Variants in EFCAB13 observed in about 807,000 individuals in gnomAD.
EFCAB13 encodes EF-hand calcium binding domain 13.
In EFCAB13, 91 loss-of-function variants were observed where a neutral mutation model predicts 110.2. That is an observed-to-expected ratio of 0.83 (90% CI 0.70 to 0.98). EFCAB13 has a LOEUF of 0.98. Ranked by LOEUF, EFCAB13 falls within the 50% of genes least tolerant of loss-of-function variation. EFCAB13 has a pLI of 0.00. For missense variants in EFCAB13, 968 were observed against 1,119.4 expected (o/e 0.86, Z 1.93); for synonymous variants, 323 against 369.9 (o/e 0.87, Z 1.45).
Position 47,393,757 on chromosome 17 carries a change from A to AAAT in EFCAB13, c.1727-267_1727-266insATA, listed in dbSNP as rs1567797031. 8.7e-4 allele frequency among the ~76,000 whole-genome samples: 117 copies of AAAT among 133,842 alleles called. No homozygotes were observed. In the Middle Eastern group the frequency reaches 0.012, roughly 14 times the overall value. The allele number at this position is 133,842 out of a possible 152,430, so 87.8% of individuals were successfully genotyped here. A position where few individuals can be genotyped will look rare whatever the true frequency, so the allele number is the denominator to read the frequency against. On this transcript the variant is annotated intron_variant, in intron 15 of 24. Coordinates refer to ENST00000331493, the MANE Select transcript of EFCAB13 (RefSeq NM_152347.5). Reference sequence around the variant, plus strand: ...ATAAATAAATAAATAAATAAATAAAAATAAAAATAAATAAAAGTTAAAAAT... The same window carrying AAAT: ...ATAAATAAATAAATAAATAAATAAAAAATATAAAAATAAATAAAAGTTAAAAAT...
chr17:47,342,424 C>T (rs1440006976), intron 6 of EFCAB13, among the ~76,000 whole-genome samples: 1 of 152,134 alleles, frequency 6.6e-6, no homozygotes, highest in Non-Finnish European at 1.5e-5. Flanking sequence ...TGTATCTCAT[C>T]TCCTTCCTTT....
At chr17:47,395,251 A>G (rs985516887) in intron 16 of EFCAB13, among the ~76,000 whole-genome samples, 1 of 152,196 alleles carries the variant, frequency 6.6e-6, no homozygotes, top group East Asian at 1.9e-4. Context: ...AGCTGAGAAG[A>G]TTGTACAGGT....
intron 9 of EFCAB13, among the ~76,000 whole-genome samples, chr17:47,360,206 C>T (rs896152274): frequency 6.6e-5 from 10 of 152,198 alleles, no homozygotes; most frequent in African/African-American, 2.4e-4. Context: ...GCCACACTGA[C>T]TTCCACAATG....
chr17:47,352,709 C>A (rs2065460185), intron 9 of EFCAB13, among the ~76,000 whole-genome samples: 1 of 152,114 alleles, frequency 6.6e-6, no homozygotes, highest in South Asian at 2.1e-4. Context: ...AGTTTTTGAT[C>A]CATGAGCATG....
At position 47,431,257 on chromosome 17, in the gene EFCAB13, C is replaced by T. The variant is rs544963801; in HGVS notation, c.2638+1296C>T. 1.3e-4 allele frequency among the ~76,000 whole-genome samples: 20 copies of T among 151,914 alleles called. No individual in the cohort carries two copies. The highest frequency in any genetic ancestry group is 6.6e-4 in the Admixed American group (10 of 15,248). On this transcript the variant is annotated intron_variant, in intron 24 of 24. Coordinates refer to ENST00000331493, the MANE Select transcript of EFCAB13 (RefSeq NM_152347.5). This position sits in a 1 kb window ranked among gnomAD's most constrained non-coding sequence, Gnocchi z 4.1. Reference sequence around the variant, plus strand: ...CCAACCCCTTTTTTTAATCTCCTTCCGCCTATATCCTAACATCTATTTTTT... The same window carrying T: ...CCAACCCCTTTTTTTAATCTCCTTCTGCCTATATCCTAACATCTATTTTTT...
chr17:47,411,370 C>T lies in EFCAB13; in HGVS notation c.2279-1403C>T, dbSNP rs897688342. Among the ~76,000 whole-genome samples, 7 of 152,310 alleles carry T rather than the reference C, an allele frequency of 4.6e-5. No homozygotes were observed. In the South Asian group the frequency reaches 1.5e-3, roughly 32 times the overall value. ...TGACAGACAAACTGACATTTCCCCC[C>T]CAAACTCAGTTCAAATGTCATTTCT... is the stretch of plus-strand genomic sequence containing the variant. On this transcript the variant is annotated intron_variant, in intron 21 of 24. Transcript: ENST00000331493.
In EFCAB13 at chr17:47,370,478, A is replaced by G; in HGVS notation, c.847A>G (p.Asn283Asp). ...TATTGGGGATATTATATTTACTTTG[A>G]ATGAGCTACAGGAACAGTATGAGGA... The part of the protein sequence containing the change: ...VDIGDIIFTL[N>D]ELQEQYEDVS... Residue 283 changes from asparagine (N) to aspartate (D), a missense_variant, in exon 11 of 25, where the codon AAT becomes GAT. Coordinates refer to ENST00000331493, the MANE Select transcript of EFCAB13 (RefSeq NM_152347.5). The G allele has an allele frequency of 6.2e-7, 1 of 1,608,326 alleles. No individual in the cohort carries two copies.
At chr17:47,399,041 G>C (rs1464349305) in intron 17 of EFCAB13, among the ~76,000 whole-genome samples, 1 of 152,098 alleles carries the variant, frequency 6.6e-6, no homozygotes, top group Non-Finnish European at 1.5e-5. Flanking sequence ...TGCTGCCTCA[G>C]CCTCCCAAGT....
intron 23 of EFCAB13, among the ~76,000 whole-genome samples, chr17:47,420,745 G>A (rs1165982654): frequency 1.3e-5 from 2 of 151,982 alleles, no homozygotes; most frequent in African/African-American, 2.4e-5. Context: ...GAGCCCCTCC[G>A]CCCGGCAGCC....
At chr17:47,386,127 A>T (rs1404174577) in intron 14 of EFCAB13, among the ~76,000 whole-genome samples, 2 of 152,216 alleles carry the variant, frequency 1.3e-5, no homozygotes, top group East Asian at 3.9e-4. Context: ...TTGAGGAGGC[A>T]GTCTGTCCCT....
At chr17:47,402,700 C>T (rs949712530) in intron 18 of EFCAB13, among the ~76,000 whole-genome samples, 1 of 152,098 alleles carries the variant, frequency 6.6e-6, no homozygotes, top group African/African-American at 2.4e-5. Flanking sequence ...TCCTTATTAT[C>T]ATTGGATGAT....
At chr17:47,415,396 A>T (rs1052199939) in intron 23 of EFCAB13, among the ~76,000 whole-genome samples, 1 of 152,176 alleles carries the variant, frequency 6.6e-6, no homozygotes, top group South Asian at 2.1e-4. Context: ...ATAATAATAA[A>T]AAAAAGACTA....
At chr17:47,336,240 C>T (rs142928925) in intron 5 of EFCAB13, among the ~76,000 whole-genome samples, 4,788 of 151,704 alleles carry the variant, frequency 0.032, 270 homozygotes, top group African/African-American at 0.11. Flanking sequence ...GATTCTTCTG[C>T]CTCAGCCTCC....
intron 9 of EFCAB13, among the ~76,000 whole-genome samples, chr17:47,348,519 T>G (rs1025901931): frequency 6.6e-6 from 1 of 152,136 alleles, no homozygotes; most frequent in Non-Finnish European, 1.5e-5. Flanking sequence ...ATATAATCTT[T>G]TGTTTTTTTC....
At chr17:47,331,466 A>T in intron 4 of EFCAB13, among the ~76,000 whole-genome samples, 1 of 152,026 alleles carries the variant, frequency 6.6e-6, no homozygotes, top group Non-Finnish European at 1.5e-5. Context: ...ATGAGCAGAA[A>T]ATAGAGAGTT....
At chr17:47,423,301 AG>A (rs779661514) in intron 23 of EFCAB13, 2 of 152,340 alleles carry the variant, frequency 1.3e-5, no homozygotes, top group Non-Finnish European at 2.9e-5. Context: ...TTAATGGTGA[AG>A]GGGCATTTTG....
chr17:47,339,209 A>G (rs1350319539), intron 5 of EFCAB13, among the ~76,000 whole-genome samples: 1 of 152,112 alleles, frequency 6.6e-6, no homozygotes, highest in Non-Finnish European at 1.5e-5. Context: ...ACTTTCTAAG[A>G]GTATGTGTCT....
At chr17:47,423,828 T>A (rs1904822964) in intron 23 of EFCAB13, among the ~76,000 whole-genome samples, 1 of 150,786 alleles carries the variant, frequency 6.6e-6, no homozygotes, top group Admixed American at 6.6e-5. Flanking sequence ...ACCCTCCTGC[T>A]GAGCTTTGCT....
intron 5 of EFCAB13, among the ~76,000 whole-genome samples, chr17:47,338,664 A>G (rs2065366097): frequency 6.6e-6 from 1 of 151,966 alleles, no homozygotes; most frequent in Non-Finnish European, 1.5e-5. Context: ...ATCTCTGTAT[A>G]TGTATATTGT....
Sources: gnomAD v4.1 joint callset for allele counts (sites outside exome capture counted in the v4.1 genomes callset) on GRCh38, gnomAD v4.1.1 for gene constraint, Gnocchi (gnomAD v3.1) non-coding constraint, MANE v1.5 for transcripts, NCBI Gene and HGNC (gene_info 2026-07-23, HGNC 2026-07-21) for gene names.